The following FANK1 variants were observed in gnomAD, a reference collection of about 807,000 sequenced individuals.
The protein encoded by FANK1 is fibronectin type 3 and ankyrin repeat domains protein 1.
A neutral mutation model predicts 45.3 loss-of-function variants in FANK1; 44 were observed. The observed-to-expected ratio is 0.97, with a 90% CI of 0.76 to 1.25. The LOEUF (loss-of-function observed/expected upper bound fraction) is 1.25. FANK1 is among the 50% of genes most tolerant of loss of function. FANK1 has a pLI of 0.00. For missense variants in FANK1, 391 were observed against 424.4 expected (o/e 0.92, Z 0.69); for synonymous variants, 149 against 152.5 (o/e 0.98, Z 0.17).
chr10:125,945,376 G>A lies in FANK1; in HGVS notation c.14-34785G>A, dbSNP rs548221079. Among the ~76,000 whole-genome samples the A allele has an allele frequency of 2.5e-3, 388 of 152,296 alleles. 1 individual carries two copies. The highest frequency in any genetic ancestry group is 9.0e-3 in the African/African-American group (373 of 41,572). On this transcript the variant is annotated intron_variant, in intron 1 of 10. Transcript: ENST00000368693. ...CACTAGGGAGTGCCAGACAGTGGGC[G>A]CAGGCCAGTGGGTGCGCGCACCGTG...
At chr10:126,004,717 A>T in intron 6 of FANK1, 167 bp from the exon 7 acceptor site, 1 of 627,252 alleles carries the variant, frequency 1.6e-6, no homozygotes, top group Non-Finnish European at 2.8e-6. Flanking sequence ...TGGATATACC[A>T]CATTTTGTAC....
At chr10:125,902,487 C>T (rs1479887587) in intron 1 of FANK1, among the ~76,000 whole-genome samples, 1 of 152,152 alleles carries the variant, frequency 6.6e-6, no homozygotes, top group African/African-American at 2.4e-5. Context: ...CCATTTTATT[C>T]TACATTATTC....
At chr10:125,911,036 C>CAAAAAAAA (rs60802998) in intron 1 of FANK1, among the ~76,000 whole-genome samples, 2 of 130,846 alleles carry the variant, frequency 1.5e-5, no homozygotes, top group South Asian at 2.5e-4. Context: ...TCCGTCTTTC[C>CAAAAAAAA]AAAAAAAAAA....
At position 125,944,197 on chromosome 10, in the gene FANK1, T is replaced by C. The variant is rs549623861; in HGVS notation, c.14-35964T>C. 1.4e-4 allele frequency among the ~76,000 whole-genome samples: 22 copies of C among 152,374 alleles called. No homozygotes were observed. The East Asian group carries it at 4.2e-3, about 29-fold the overall frequency. On this transcript the variant is annotated intron_variant, in intron 1 of 10. Transcript: ENST00000368693. ...TAATGGCATACATAAAGCAATTTGC[T>C]ACTGGAGAATTTGTAGCAATATTTG...
chr10:125,922,702 A>C (rs1947031176), intron 1 of FANK1, among the ~76,000 whole-genome samples: 1 of 152,168 alleles, frequency 6.6e-6, no homozygotes, highest in African/African-American at 2.4e-5. Context: ...TTTTATAAAG[A>C]CAGGATTTTG....
intron 1 of FANK1, among the ~76,000 whole-genome samples, chr10:125,908,599 G>A (rs1446381346): frequency 2.6e-5 from 4 of 152,072 alleles, no homozygotes; most frequent in African/African-American, 9.7e-5. Context: ...GGACCCAGGG[G>A]AAAGGGTGGG....
chr10:125,993,534 A>G (rs1014756986), intron 3 of FANK1, among the ~76,000 whole-genome samples: 14 of 152,144 alleles, frequency 9.2e-5, no homozygotes, highest in African/African-American at 3.4e-4. Flanking sequence ...CTTGGCCTCT[A>G]TCCTCTAGAT....
At chr10:125,930,477 C>T (rs560957165) in intron 1 of FANK1, among the ~76,000 whole-genome samples, 6 of 151,786 alleles carry the variant, frequency 4.0e-5, no homozygotes, top group African/African-American at 1.5e-4. Context: ...GCTGGGACAG[C>T]AGGCACAACA....
At chr10:125,916,651 A>ATAG (rs1279247184) in intron 1 of FANK1, among the ~76,000 whole-genome samples, 2 of 152,162 alleles carry the variant, frequency 1.3e-5, no homozygotes, top group Non-Finnish European at 2.9e-5. Flanking sequence ...CTTACAGAGA[A>ATAG]AGGCAATTCT....
intron 1 of FANK1, among the ~76,000 whole-genome samples, chr10:125,945,073 A>G (rs1371653362): frequency 3.3e-5 from 5 of 152,184 alleles, no homozygotes; most frequent in South Asian, 2.1e-4. Flanking sequence ...AGACAACGGT[A>G]AAGTGCATTA....
intron 2 of FANK1, among the ~76,000 whole-genome samples, chr10:125,984,644 A>G (rs1264169602): frequency 6.6e-6 from 1 of 152,216 alleles, no homozygotes; most frequent in Non-Finnish European, 1.5e-5. Flanking sequence ...CTCCAGAGTC[A>G]TCAGCATGAG....
intron 1 of FANK1, among the ~76,000 whole-genome samples, chr10:125,938,370 G>C (rs773682227): frequency 6.6e-6 from 1 of 152,182 alleles, no homozygotes; most frequent in Non-Finnish European, 1.5e-5. Context: ...CACAGTGTGA[G>C]ACCTCAGTTG....
At chr10:125,948,885 A>C (rs1347538607) in intron 1 of FANK1, among the ~76,000 whole-genome samples, 18 of 148,458 alleles carry the variant, frequency 1.2e-4, no homozygotes, top group East Asian at 3.9e-4. Flanking sequence ...TACTGGCAAA[A>C]CGAATCCAGC....
At chr10:125,937,978 A>G (rs1329271841) in intron 1 of FANK1, among the ~76,000 whole-genome samples, 1 of 152,208 alleles carries the variant, frequency 6.6e-6, no homozygotes, top group African/African-American at 2.4e-5. Context: ...TACAAACAGA[A>G]GCAAGTAGAC....
chr10:125,948,557 A>C (rs368839925), intron 1 of FANK1, among the ~76,000 whole-genome samples: 1 of 152,222 alleles, frequency 6.6e-6, no homozygotes, highest in Non-Finnish European at 1.5e-5. Flanking sequence ...CCCAAGACTA[A>C]ACCAGGAAGA....
intron 3 of FANK1, chr10:125,989,435 A>T: frequency 1.4e-6 from 2 of 1,411,684 alleles, no homozygotes; most frequent in South Asian, 2.5e-5. Context: ...TCCAGGTAGC[A>T]TTTGGCTTGG....
At chr10:125,981,517 T>C (rs1238941611) in intron 2 of FANK1, among the ~76,000 whole-genome samples, 1 of 137,462 alleles carries the variant, frequency 7.3e-6, no homozygotes, top group Non-Finnish European at 1.5e-5. Context: ...AAAAAAAAAG[T>C]TATGTTTTTC....
At chr10:125,919,320 C>T (rs532011674) in intron 1 of FANK1, among the ~76,000 whole-genome samples, 7 of 146,592 alleles carry the variant, frequency 4.8e-5, no homozygotes, top group African/African-American at 1.5e-4. Context: ...ATTCTCCTGC[C>T]TCAGCCTCGC....
At chr10:125,987,111 C>T (rs2134208780) in intron 2 of FANK1, among the ~76,000 whole-genome samples, 1 of 152,222 alleles carries the variant, frequency 6.6e-6, no homozygotes, top group Admixed American at 6.5e-5. Context: ...GTTGTCCCTT[C>T]TTCACTGTCC....
Sources: allele counts gnomAD v4.1 joint callset (sites outside exome capture counted in the v4.1 genomes callset), GRCh38; gene constraint gnomAD v4.1.1; transcripts MANE v1.5; gene names NCBI Gene and HGNC (gene_info 2026-07-23, HGNC 2026-07-21).